The following USP30 variants were observed in gnomAD, a reference collection of about 807,000 sequenced individuals.
USP30 encodes ubiquitin carboxyl-terminal hydrolase 30.
USP30 carries 41 observed loss-of-function variants against 68.2 expected under a neutral mutation model. The ratio of observed to expected loss-of-function variants is 0.60; its 90% confidence interval spans 0.47 to 0.78. The LOEUF is 0.78. Among genes scored for constraint, USP30 ranks in the 30% least tolerant of loss-of-function variants. The pLI is 0.00. For synonymous variants in USP30, 229 were observed against 253.7 expected, an observed-to-expected ratio of 0.90 and a Z score of 0.93; for missense variants, 522 against 649.4, an observed-to-expected ratio of 0.80 and a Z score of 2.13.
chr12:109,073,593 G>A, intron 7 of USP30, 61 bp downstream of exon 7: 1 of 1,454,416 alleles, frequency 6.9e-7, no homozygotes. Flanking sequence ...TAGGATTCTT[G>A]AAAGGACCTA....
chr12:109,040,822 T>C lies in USP30; in HGVS notation c.-135-6768T>C, dbSNP rs1279455705. Among the ~76,000 whole-genome samples the C allele has an allele frequency of 4.6e-5, 7 of 152,264 alleles. No individual in the cohort carries two copies. In the East Asian group the frequency reaches 5.8e-4, roughly 13 times the overall value. ...AAAGTGGAAGCAACAATGTATTTTA[T>C]GACCTGGCTTTGGAATTCACATAGC... On this transcript the variant is annotated intron_variant, in intron 3 of 15. Transcript: ENST00000392784.
At chr12:109,046,133 A>C (rs1351004750) in intron 3 of USP30, among the ~76,000 whole-genome samples, 1 of 111,500 alleles carries the variant, frequency 9.0e-6, no homozygotes, top group Non-Finnish European at 1.7e-5. Flanking sequence ...ATGGAGTCTC[A>C]CTCTGTTGCT....
At chr12:109,079,631 G>A (rs2041738110) in intron 7 of USP30, among the ~76,000 whole-genome samples, 1 of 151,902 alleles carries the variant, frequency 6.6e-6, no homozygotes, top group Non-Finnish European at 1.5e-5. Context: ...CTCCCAAAGT[G>A]TTGGGATTAC....
intron 6 of USP30, 128 bp downstream of exon 6, chr12:109,072,478 A>C: frequency 1.2e-6 from 1 of 847,140 alleles, no homozygotes; most frequent in Non-Finnish European, 1.9e-6. Flanking sequence ...TGTGCTTGCA[A>C]AGGAACTTGT....
intron 7 of USP30, among the ~76,000 whole-genome samples, chr12:109,078,787 T>C (rs1454907881): frequency 6.6e-6 from 1 of 152,232 alleles, no homozygotes; most frequent in Non-Finnish European, 1.5e-5. Context: ...AGATTTCATG[T>C]ATATGAAAAT....
At chr12:109,043,564 A>G (rs576432030) in intron 3 of USP30, among the ~76,000 whole-genome samples, 1 of 152,344 alleles carries the variant, frequency 6.6e-6, no homozygotes, top group South Asian at 2.1e-4. Context: ...AACAACACAT[A>G]CAAAAGTTAA....
At chr12:109,023,323 C>T (rs1029494190) in intron 1 of USP30, among the ~76,000 whole-genome samples, 4 of 152,144 alleles carry the variant, frequency 2.6e-5, no homozygotes, top group Non-Finnish European at 4.4e-5. Flanking sequence ...GAGGCCGAGG[C>T]GGATGGATCA....
At chr12:109,036,858 T>C (rs1307828143) in intron 3 of USP30, among the ~76,000 whole-genome samples, 3 of 152,182 alleles carry the variant, frequency 2.0e-5, no homozygotes, top group Admixed American at 6.5e-5. Flanking sequence ...AAATTCTCTT[T>C]GTCTTTGGCT....
At chr12:109,072,160 AC>A in intron 5 of USP30, 144 bp from the exon 6 acceptor site, 1 of 676,168 alleles carries the variant, frequency 1.5e-6, no homozygotes, top group Non-Finnish European at 2.6e-6. Context: ...AATTGAGGCT[AC>A]CTTTAGAAAC....
chr12:109,072,487 G>A (rs150911258), intron 6 of USP30, 137 bp downstream of exon 6: 149 of 808,654 alleles, frequency 1.8e-4, no homozygotes, highest in African/African-American at 1.7e-3. Context: ...AAAGGAACTT[G>A]TATTTTGGAA....
At chr12:109,085,169 G>A in intron 12 of USP30, 96 bp downstream of exon 12, 1 of 1,237,668 alleles carries the variant, frequency 8.1e-7, no homozygotes, top group Non-Finnish European at 1.1e-6. Context: ...AAATATAGAT[G>A]TTTATTTTTC....
At chr12:109,047,187 A>G (rs1469434238) in intron 3 of USP30, among the ~76,000 whole-genome samples, 1 of 151,420 alleles carries the variant, frequency 6.6e-6, no homozygotes, top group Admixed American at 6.6e-5. Context: ...TTTTTAACCG[A>G]GGAAACCCTT....
intron 3 of USP30, among the ~76,000 whole-genome samples, chr12:109,062,334 T>TC (rs1468807431): frequency 1.5e-4 from 22 of 144,576 alleles, no homozygotes; most frequent in African/African-American, 5.7e-4. Flanking sequence ...TTCACTTTTT[T>TC]TTTTTTTTTT....
In USP30 at chr12:109,067,238, C is replaced by T. The variant is rs548298575; in HGVS notation, c.377-286C>T. Among the ~76,000 whole-genome samples, 8 of 151,156 alleles carry T rather than the reference C, an allele frequency of 5.3e-5. No individual in the cohort carries two copies. The East Asian group carries it at 5.9e-4, about 11-fold the overall frequency. ...ATGCCATTCTCCTGCCTCAGCCTCCCGAGTACCTGGGACTACAGGCACCCA... is the reference window on the plus strand; with the variant it reads ...ATGCCATTCTCCTGCCTCAGCCTCCTGAGTACCTGGGACTACAGGCACCCA... On this transcript the variant is annotated intron_variant, in intron 3 of 12. Coordinates refer to ENST00000257548, the MANE Select transcript of USP30 (RefSeq NM_032663.5).
chr12:109,050,320 C>T (rs1343515545), upstream of USP30, among the ~76,000 whole-genome samples: 2 of 151,998 alleles, frequency 1.3e-5, no homozygotes, highest in Non-Finnish European at 2.9e-5. Flanking sequence ...AACAAAAAAA[C>T]AAGATATACC....
At chr12:109,031,604 T>C (rs1340780249) in intron 3 of USP30, among the ~76,000 whole-genome samples, 2 of 152,196 alleles carry the variant, frequency 1.3e-5, no homozygotes, top group African/African-American at 4.8e-5. Context: ...AACCCATGTG[T>C]CCATCAATAG....
chr12:109,036,019 G>GCC (rs1162229756), intron 3 of USP30, among the ~76,000 whole-genome samples: 2 of 152,164 alleles, frequency 1.3e-5, no homozygotes, highest in Non-Finnish European at 2.9e-5. Flanking sequence ...AATTAGCTGG[G>GCC]CATGGTGGCC....
intron 7 of USP30, among the ~76,000 whole-genome samples, chr12:109,078,030 C>A (rs1470718087): frequency 1.3e-5 from 2 of 152,130 alleles, no homozygotes; most frequent in African/African-American, 4.8e-5. Flanking sequence ...ATATGTGTTT[C>A]ATTTCATTTC....
At chr12:109,059,877 T>C (rs2041007661) in intron 3 of USP30, 1 of 152,216 alleles carries the variant, frequency 6.6e-6, no homozygotes, top group African/African-American at 2.4e-5. Flanking sequence ...TCTGCTGACA[T>C]TCCATGGGTA....
Sources: allele counts gnomAD v4.1 joint callset (sites outside exome capture counted in the v4.1 genomes callset), GRCh38; gene constraint gnomAD v4.1.1; transcripts MANE v1.5; gene names NCBI Gene and HGNC (gene_info 2026-07-23, HGNC 2026-07-21).